The following ANK2 variants were observed in gnomAD, a reference collection of about 807,000 sequenced individuals.
ANK2 encodes ankyrin-2.
ANK2 carries 83 observed loss-of-function variants against 360.5 expected under a neutral mutation model. That is an observed-to-expected ratio of 0.23 (90% CI 0.19 to 0.28). The LOEUF is 0.28. Among genes scored for constraint, ANK2 ranks in the 10% least tolerant of loss-of-function variants. ANK2 has a pLI of 1.00. For synonymous variants in ANK2, 1,740 were observed against 1,759.5 expected (o/e 0.99, Z 0.28); for missense variants, 4,201 against 4,795.7 (o/e 0.88, Z 3.66).
chr4:113,344,558 AT>A (rs1326407505), intron 34 of ANK2, among the ~76,000 whole-genome samples: 2 of 152,188 alleles, frequency 1.3e-5, no homozygotes, highest in Non-Finnish European at 2.9e-5. Flanking sequence ...ACCCACAAGA[AT>A]TTAAAGTAGA....
At chr4:112,951,103 A>T (rs1273613061) in intron 2 of ANK2, among the ~76,000 whole-genome samples, 2 of 151,346 alleles carry the variant, frequency 1.3e-5, no homozygotes, top group Admixed American at 6.6e-5. Context: ...AAAAAAAAAA[A>T]AAATGTGTGC....
intron 1 of ANK2, among the ~76,000 whole-genome samples, chr4:113,107,799 T>C (rs2154363563): frequency 6.6e-6 from 1 of 152,310 alleles, no homozygotes; most frequent in African/African-American, 2.4e-5. Flanking sequence ...GTTAGGTAGA[T>C]ATTGTCTTCA....
intron 7 of ANK2, 102 bp downstream of exon 7, chr4:113,237,724 G>C (rs541904428): frequency 2.8e-5 from 30 of 1,085,674 alleles, no homozygotes; most frequent in Admixed American, 2.6e-4. Flanking sequence ...TTAGAAGTTT[G>C]ATTAATGGGA....
chr4:112,763,226 A>ATTTT, the ANK2 span, among the ~76,000 whole-genome samples: 3 of 144,800 alleles, frequency 2.1e-5, no homozygotes, highest in African/African-American at 5.1e-5. Context: ...CACCTGGCTA[A>ATTTT]TTTTTTTTTT....
At chr4:112,938,031 TAA>T (rs1311882453) in intron 2 of ANK2, among the ~76,000 whole-genome samples, 1 of 152,138 alleles carries the variant, frequency 6.6e-6, no homozygotes, top group Admixed American at 6.5e-5. Flanking sequence ...GGCACAAAGT[TAA>T]AAAAATAAGT....
intron 4 of ANK2, 75 bp from the exon 5 acceptor site, chr4:113,232,086 T>G (rs2099314530): frequency 2.0e-6 from 2 of 1,006,532 alleles, no homozygotes; most frequent in African/African-American, 3.2e-5. Context: ...ATCTTCCCTA[T>G]GTCGAAGGTT....
chr4:112,733,931 C>A, the ANK2 span, among the ~76,000 whole-genome samples: 5 of 152,182 alleles, frequency 3.3e-5, no homozygotes, highest in Non-Finnish European at 7.3e-5. Flanking sequence ...CCCGCCACCA[C>A]ACCCGGCTAA....
chr4:113,028,425 C>G (rs535047979), intron 2 of ANK2, among the ~76,000 whole-genome samples: 38 of 152,246 alleles, frequency 2.5e-4, no homozygotes, highest in African/African-American at 8.9e-4. Flanking sequence ...TATTAAGCAC[C>G]TATGTTGTGC....
chr4:112,724,715 A>G, the ANK2 span, among the ~76,000 whole-genome samples: 1 of 152,136 alleles, frequency 6.6e-6, no homozygotes, highest in South Asian at 2.1e-4. Context: ...GGGAATAAAT[A>G]ATCGTTTAGC....
chr4:113,267,618 T>C (rs931019764), intron 14 of ANK2, among the ~76,000 whole-genome samples: 2 of 152,232 alleles, frequency 1.3e-5, no homozygotes, highest in African/African-American at 4.8e-5. Context: ...TATATCTGTT[T>C]TGGTACCAGT....
At chr4:113,224,516 G>A (rs1006484016) in intron 4 of ANK2, among the ~76,000 whole-genome samples, 3 of 152,070 alleles carry the variant, frequency 2.0e-5, no homozygotes, top group African/African-American at 7.2e-5. Context: ...CTCAATCTCT[G>A]GGTTAAAAAT....
intron 1 of ANK2, among the ~76,000 whole-genome samples, chr4:112,881,324 G>A (rs920375504): frequency 6.6e-6 from 1 of 152,166 alleles, no homozygotes; most frequent in African/African-American, 2.4e-5. Flanking sequence ...TGTGGTCCCA[G>A]CTACTTGGGA....
At chr4:113,308,084 ATAAG>A (rs1367757049) in intron 23 of ANK2, among the ~76,000 whole-genome samples, 1 of 152,220 alleles carries the variant, frequency 6.6e-6, no homozygotes, top group African/African-American at 2.4e-5. Context: ...TTCACATTGA[ATAAG>A]TAAGTTGAAA....
chr4:112,831,670 C>G (rs1463387754), intron 1 of ANK2, among the ~76,000 whole-genome samples: 3 of 152,286 alleles, frequency 2.0e-5, no homozygotes, highest in Admixed American at 2.0e-4. Context: ...CTCCTCGGGT[C>G]CTCTTTCATG....
At chr4:113,247,006 A>G (rs1447265381) in intron 9 of ANK2, among the ~76,000 whole-genome samples, 2 of 148,058 alleles carry the variant, frequency 1.4e-5, no homozygotes, top group Admixed American at 6.9e-5. Flanking sequence ...TTCAGAATAC[A>G]TTGTTGAAAG....
intron 1 of ANK2, among the ~76,000 whole-genome samples, chr4:112,873,513 C>T (rs950503472): frequency 6.6e-6 from 1 of 150,882 alleles, no homozygotes; most frequent in Non-Finnish European, 1.5e-5. Context: ...TTCCAAATTT[C>T]CTTCTGTTAT....
At position 113,278,550 on chromosome 4, in the gene ANK2, A is replaced by G. The variant is rs1349862041; in HGVS notation, c.1873A>G (p.Thr625Ala). 2.5e-6 allele frequency: 4 copies of G among 1,613,914 alleles called. No individual in the cohort carries two copies. Among genetic ancestry groups the G allele is most frequent in the Non-Finnish European group, 2.5e-6 (3 of 1,179,842 alleles). Residue 625 changes from threonine to alanine, a missense_variant, in exon 17 of 46, where the codon ACT becomes GCT. Physicochemically the swap from Thr to Ala is moderately conservative, Grantham distance 58. This residue lies in a region of ANK2 where 1,268 missense variants were observed against 1,650.8 expected (regional missense o/e 0.77). Coordinates refer to ENST00000357077, the MANE Select transcript of ANK2 (RefSeq NM_001148.6). ...GGAGAAGGGTGCTTCCCCTCATGCC[A>G]CTGCCAAGGTGAGGACCACAGAAAA... ...LLEKGASPHATAKNGYTPLHI... is the reference protein window; with the variant it reads ...LLEKGASPHAAAKNGYTPLHI...
At chr4:112,809,268 TAA>T in the ANK2 span, among the ~76,000 whole-genome samples, 2 of 148,448 alleles carry the variant, frequency 1.3e-5, no homozygotes, top group Admixed American at 6.7e-5. Flanking sequence ...TGGTTAGAAA[TAA>T]ATAAATAAGG....
At chr4:112,835,071 TTGAG>T (rs1333345040) in intron 1 of ANK2, among the ~76,000 whole-genome samples, 4 of 152,228 alleles carry the variant, frequency 2.6e-5, no homozygotes. Flanking sequence ...ATGTTTCACT[TTGAG>T]TGATACTAAG....
Sources: allele counts gnomAD v4.1 joint callset (sites outside exome capture counted in the v4.1 genomes callset), GRCh38; gene constraint gnomAD v4.1.1; regional missense constraint gnomAD v4.1.1; transcripts MANE v1.5; gene names NCBI Gene and HGNC (gene_info 2026-07-23, HGNC 2026-07-21).